The following NRCAM variants were observed in gnomAD, a reference collection of about 807,000 sequenced individuals.
NRCAM encodes the protein neuronal cell adhesion molecule.
In NRCAM, 83 loss-of-function variants were observed where a neutral mutation model predicts 156.5. That is an observed-to-expected ratio of 0.53 (90% CI 0.44 to 0.64). The LOEUF is 0.64. NRCAM is among the 30% of genes least tolerant of loss of function. The pLI, the probability that NRCAM is intolerant of heterozygous loss-of-function variation, is 0.00. For synonymous variants in NRCAM, 538 were observed against 563.9 expected (o/e 0.95, Z 0.65); for missense variants, 1,417 against 1,597.3 (o/e 0.89, Z 1.92).
At position 108,184,561 on chromosome 7, in the gene NRCAM, G is replaced by A; in HGVS notation, c.2089C>T (p.Gln697Ter). 1 of 1,613,880 alleles carries A rather than the reference G, an allele frequency of 6.2e-7. No individual in the cohort carries two copies. The highest frequency in any genetic ancestry group is 8.5e-7 in the Non-Finnish European group (1 of 1,180,026). The change falls in exon 21 of 33, where the codon CAA becomes TAA. Residue 697 changes from glutamine to a stop codon, truncating the protein, a stop_gained. Coordinates refer to ENST00000379028, the MANE Select transcript of NRCAM (RefSeq NM_001037132.4). LOFTEE classifies it high-confidence loss of function. ...GTCTGTGTTCCAGAAACTTCAGTTT[G>A]GTGGTGCCACAGCCCTGGCTTGTGC... is the stretch of plus-strand genomic sequence containing the variant. ...AMHKPGLWHH[Q>*]TEVSGTQTTA...
chr7:108,208,199 G>A (rs963461063), intron 12 of NRCAM, among the ~76,000 whole-genome samples: 1 of 151,884 alleles, frequency 6.6e-6, no homozygotes, highest in African/African-American at 2.4e-5. Flanking sequence ...CCACCTACTT[G>A]GGAGGCTGAG....
At chr7:108,257,902 C>T (rs1257564628) in intron 3 of NRCAM, among the ~76,000 whole-genome samples, 1 of 152,088 alleles carries the variant, frequency 6.6e-6, no homozygotes, top group African/African-American at 2.4e-5. Flanking sequence ...ACACCCTTCT[C>T]TTCTTCACGT....
chr7:108,449,292 A>G (rs1193617741), intron 1 of NRCAM, among the ~76,000 whole-genome samples: 1 of 152,220 alleles, frequency 6.6e-6, no homozygotes, highest in African/African-American at 2.4e-5. Context: ...CGGCACTCAA[A>G]CTGAAGCTAT....
intron 1 of NRCAM, among the ~76,000 whole-genome samples, chr7:108,420,058 G>GTGTC (rs1554628694): frequency 1.8e-4 from 28 of 151,876 alleles, no homozygotes; most frequent in African/African-American, 6.3e-4. Flanking sequence ...GTGTGTGTGT[G>GTGTC]TGTGTGTGTG....
At chr7:108,302,104 C>G (rs1367961550) in intron 3 of NRCAM, among the ~76,000 whole-genome samples, 1 of 151,448 alleles carries the variant, frequency 6.6e-6, no homozygotes, top group East Asian at 1.9e-4. Flanking sequence ...CAGCTCTTTC[C>G]CCTTATATTT....
rs145424676 is a variant in NRCAM, at chr7:108,433,449, A to C, written c.-332+22794T>G. On this transcript the variant is annotated intron_variant, in intron 1 of 32. Coordinates refer to ENST00000379028, the MANE Select transcript of NRCAM (RefSeq NM_001037132.4). ...ACCAGCAGCACTGTTATCACCTGAGAGATTATTAGACATGAACCTCACGTT... is the reference window on the plus strand; with the variant it reads ...ACCAGCAGCACTGTTATCACCTGAGCGATTATTAGACATGAACCTCACGTT... Among the ~76,000 whole-genome samples the C allele has an allele frequency of 2.0e-4, 31 of 152,274 alleles. No individual in the cohort carries two copies. In the East Asian group the frequency reaches 4.6e-3, roughly 23 times the overall value.
At chr7:108,334,696 TG>T (rs1436589358) in intron 2 of NRCAM, among the ~76,000 whole-genome samples, 1 of 152,194 alleles carries the variant, frequency 6.6e-6, no homozygotes, top group African/African-American at 2.4e-5. Context: ...CATGGGGGCA[TG>T]GCCCACTGGA....
intron 3 of NRCAM, among the ~76,000 whole-genome samples, chr7:108,309,048 G>A (rs1187054583): frequency 1.7e-4 from 26 of 152,184 alleles, no homozygotes; most frequent in Admixed American, 1.6e-3. Flanking sequence ...CTGAGCAGTC[G>A]CCTGGGTTGA....
chr7:108,195,759 A>G lies in NRCAM; in HGVS notation c.1463+2T>C. 1 of 1,526,906 alleles carries G rather than the reference A, an allele frequency of 6.5e-7. No homozygotes were observed. The highest frequency in any genetic ancestry group is 9.1e-7 in the Non-Finnish European group (1 of 1,100,804). The allele number at this position is 1,526,906 out of a possible 1,614,324, so 94.6% of individuals were successfully genotyped here. On this transcript the variant is annotated splice_donor_variant, in intron 15 of 32. Coordinates refer to ENST00000379028, the MANE Select transcript of NRCAM (RefSeq NM_001037132.4). LOFTEE classifies it high-confidence loss of function. ...TGAAAAACACACAGAGCTGCTACTT[A>G]CCACTCGATGGTTGGGAGAGGAGAC...
In NRCAM at chr7:108,197,909, C is replaced by G; in HGVS notation, c.1351+47G>C. On this transcript the variant is annotated intron_variant, in intron 14 of 32. Transcript: ENST00000379028. Reference sequence around the variant, plus strand: ...TTGCTGATTGAACAGAAAATAACAGCAGTCATTAATTTAATTTGCCATGTC... The same window carrying G: ...TTGCTGATTGAACAGAAAATAACAGGAGTCATTAATTTAATTTGCCATGTC... 2.1e-6 allele frequency: 3 copies of G among 1,439,876 alleles called. No individual in the cohort carries two copies. In the South Asian group the frequency reaches 4.3e-5, roughly 20 times the overall value. The allele number at this position is 1,439,876 out of a possible 1,614,324, so 89.2% of individuals were successfully genotyped here.
chr7:108,160,403 T>C lies in NRCAM; in HGVS notation c.3556A>G (p.Ile1186Val). The change falls in exon 31 of 33, where the codon ATT becomes GTT. Residue 1186 changes from isoleucine to valine, a missense_variant. Transcript: ENST00000379028. ...AVALLILILL[I>V]VCFIRRNKGG... ...TTGTTTCTTCTGATGAAGCAAACAA[T>C]CAGCAAAATTAAGATAAGGAGAGCA... The C allele has an allele frequency of 6.2e-7, 1 of 1,613,736 alleles. No homozygotes were observed. Among genetic ancestry groups the C allele is most frequent in the Non-Finnish European group, 8.5e-7 (1 of 1,179,730 alleles).
At chr7:108,177,318 T>C (rs1186376760) in intron 26 of NRCAM, among the ~76,000 whole-genome samples, 1 of 151,796 alleles carries the variant, frequency 6.6e-6, no homozygotes, top group Non-Finnish European at 1.5e-5. Flanking sequence ...GAAGGCGAGA[T>C]AGGGAGATAT....
intron 3 of NRCAM, among the ~76,000 whole-genome samples, chr7:108,295,276 A>G (rs761715173): frequency 5.3e-5 from 8 of 152,218 alleles, no homozygotes; most frequent in Non-Finnish European, 1.0e-4. Context: ...CAAATGTTCT[A>G]TAGATGAGTA....
intron 2 of NRCAM, among the ~76,000 whole-genome samples, chr7:108,397,651 A>C (rs573423000): frequency 6.6e-6 from 1 of 152,234 alleles, no homozygotes; most frequent in Non-Finnish European, 1.5e-5. Context: ...CAGAGCAATG[A>C]AAGTGAGAAT....
At position 108,168,326 on chromosome 7, in the gene NRCAM, A is replaced by G; in HGVS notation, c.3264T>C (p.Tyr1088=). 1 of 1,609,916 alleles carries G rather than the reference A, an allele frequency of 6.2e-7. No individual in the cohort carries two copies. The highest frequency in any genetic ancestry group is 8.5e-7 in the Non-Finnish European group (1 of 1,178,226). ...AETYANISWE[Y]EGPEHVNFYV... ...AAAAGTTCACATGCTCTGGTCCCTC[A>G]TATTCCCAACTGATATTGGCATAGG... Residue 1088 remains tyrosine (Y), a synonymous_variant, in exon 29 of 33, where the codon TAT becomes TAC. Coordinates refer to ENST00000379028, the MANE Select transcript of NRCAM (RefSeq NM_001037132.4).
intron 2 of NRCAM, among the ~76,000 whole-genome samples, chr7:108,332,601 G>T (rs1593793372): frequency 6.6e-6 from 1 of 152,168 alleles, no homozygotes; most frequent in Non-Finnish European, 1.5e-5. Context: ...CTTAAAAAAA[G>T]AATCCCTGTG....
chr7:108,398,866 G>A (rs1309845225), intron 2 of NRCAM, among the ~76,000 whole-genome samples: 1 of 152,170 alleles, frequency 6.6e-6, no homozygotes, highest in Non-Finnish European at 1.5e-5. Context: ...TGCTTCTTGA[G>A]AGCCTAGCAA....
At chr7:108,302,689 T>C (rs1473993492) in intron 3 of NRCAM, among the ~76,000 whole-genome samples, 6 of 152,188 alleles carry the variant, frequency 3.9e-5, no homozygotes, top group Admixed American at 2.6e-4. Context: ...GGGATCTCAG[T>C]ACAAATATAT....
intron 1 of NRCAM, among the ~76,000 whole-genome samples, chr7:108,434,467 G>T (rs965833203): frequency 6.6e-6 from 1 of 151,608 alleles, no homozygotes. Context: ...ATACTGAGTT[G>T]ACCAGGGCCA....
Sources: gnomAD v4.1 joint callset for allele counts (sites outside exome capture counted in the v4.1 genomes callset) on GRCh38, gnomAD v4.1.1 for gene constraint, MANE v1.5 for transcripts, NCBI Gene and HGNC (gene_info 2026-07-23, HGNC 2026-07-21) for gene names.